The following DIP2B variants were observed in gnomAD, a reference collection of about 807,000 sequenced individuals.
DIP2B encodes DIP2 acetate--CoA ligase B (putative).
A neutral mutation model predicts 198.0 loss-of-function variants in DIP2B; 76 were observed. The observed-to-expected ratio is 0.38, with a 90% CI of 0.32 to 0.46. The LOEUF (loss-of-function observed/expected upper bound fraction) is 0.46, where lower values mean the gene tolerates loss of function less well. Among genes scored for constraint, DIP2B ranks in the 20% least tolerant of loss-of-function variants. The probability of loss-of-function intolerance (pLI) is 0.99; values close to 1 mark genes in which losing one functional copy is unlikely to be tolerated. For synonymous variants in DIP2B, 701 were observed against 739.1 expected (o/e 0.95, Z 0.84); for missense variants, 1,559 against 1,978.4 (o/e 0.79, Z 4.02).
chr12:50,604,051 C>T (rs1477033468), intron 1 of DIP2B, among the ~76,000 whole-genome samples: 2 of 151,988 alleles, frequency 1.3e-5, no homozygotes, highest in Non-Finnish European at 2.9e-5. Flanking sequence ...TTGCATCATG[C>T]AAGCTTCTGA....
intron 8 of DIP2B, chr12:50,680,259 TAAAAAAAAAAAAA>T: frequency 9.4e-6 from 1 of 106,196 alleles, no homozygotes; most frequent in Non-Finnish European, 1.8e-5. Flanking sequence ...GACTCTGTCT[TAAAAAAAAAAAAA>T]AAAAAAAAAA....
chr12:50,632,777 T>C (rs1938084320), intron 2 of DIP2B, among the ~76,000 whole-genome samples: 1 of 151,958 alleles, frequency 6.6e-6, no homozygotes, highest in Non-Finnish European at 1.5e-5. Context: ...CCTCAAGTAA[T>C]CCGCCTCCCT....
chr12:50,573,143 A>G (rs1290902004), intron 1 of DIP2B, among the ~76,000 whole-genome samples: 1 of 152,218 alleles, frequency 6.6e-6, no homozygotes, highest in African/African-American at 2.4e-5. Flanking sequence ...ACCACAGACT[A>G]TCAGGTCATA....
chr12:50,570,539 T>C (rs1958603734), intron 1 of DIP2B, among the ~76,000 whole-genome samples: 1 of 152,174 alleles, frequency 6.6e-6, no homozygotes, highest in Admixed American at 6.5e-5. Flanking sequence ...GGTAAAACCC[T>C]GTCTCTATTA....
chr12:50,622,474 A>G (rs1937832074), intron 1 of DIP2B, among the ~76,000 whole-genome samples: 2 of 152,262 alleles, frequency 1.3e-5, no homozygotes. Context: ...AAATAAGAGC[A>G]AGAAGGAAAA....
chr12:50,599,603 A>G (rs1478090565), intron 1 of DIP2B, among the ~76,000 whole-genome samples: 1 of 152,198 alleles, frequency 6.6e-6, no homozygotes, highest in African/African-American at 2.4e-5. Context: ...GCAACAGCGC[A>G]AGACTCAGTC....
chr12:50,581,860 T>C (rs1358980579), intron 1 of DIP2B, among the ~76,000 whole-genome samples: 1 of 152,176 alleles, frequency 6.6e-6, no homozygotes, highest in Non-Finnish European at 1.5e-5. Flanking sequence ...AGAAATTTGT[T>C]GAGGAAGGGA....
chr12:50,696,179 T>C (rs984170465), intron 16 of DIP2B, among the ~76,000 whole-genome samples: 4 of 152,356 alleles, frequency 2.6e-5, no homozygotes, highest in Admixed American at 2.0e-4. Context: ...CACATGCCCA[T>C]TATCAGTCAC....
intron 1 of DIP2B, among the ~76,000 whole-genome samples, chr12:50,516,451 G>C (rs529983906): frequency 6.6e-6 from 1 of 151,808 alleles, no homozygotes; most frequent in Non-Finnish European, 1.5e-5. Context: ...ATGGGGTCTC[G>C]TTATGTTTCC....
chr12:50,697,616 A>G (rs1565874504), intron 17 of DIP2B, among the ~76,000 whole-genome samples: 1 of 135,498 alleles, frequency 7.4e-6, no homozygotes, highest in African/African-American at 2.8e-5. Flanking sequence ...TGCAGCCTCA[A>G]CCTCCTGGGC....
intron 1 of DIP2B, among the ~76,000 whole-genome samples, chr12:50,549,461 T>C (rs369118825): frequency 3.1e-3 from 447 of 145,728 alleles, no homozygotes; most frequent in African/African-American, 0.011. Context: ...ACCTGGGAGG[T>C]GGAGCTTGCA....
chr12:50,567,725 G>A (rs1415561406), intron 1 of DIP2B, among the ~76,000 whole-genome samples: 2 of 152,024 alleles, frequency 1.3e-5, no homozygotes, highest in African/African-American at 4.8e-5. Context: ...ATGGGGTTTC[G>A]CAGTGTTGGC....
At chr12:50,706,334 C>T (rs1177264049) in intron 20 of DIP2B, among the ~76,000 whole-genome samples, 1 of 152,146 alleles carries the variant, frequency 6.6e-6, no homozygotes, top group African/African-American at 2.4e-5. Context: ...TCCTGTGAGA[C>T]TTCATTGGCT....
At chr12:50,510,304 TATGG>T (rs1167845119) in intron 1 of DIP2B, among the ~76,000 whole-genome samples, 1 of 152,260 alleles carries the variant, frequency 6.6e-6, no homozygotes, top group East Asian at 1.9e-4. Flanking sequence ...GAGTAGCTTT[TATGG>T]ATACCCTTGT....
intron 19 of DIP2B, among the ~76,000 whole-genome samples, chr12:50,703,227 T>A (rs12580479): frequency 0.31 from 44,447 of 144,786 alleles, 6,680 homozygotes; most frequent in East Asian, 0.41. Flanking sequence ...TATCTCATTT[T>A]AAAAAAAAAA....
intron 36 of DIP2B, among the ~76,000 whole-genome samples, chr12:50,740,225 A>G (rs1247575464): frequency 6.6e-6 from 1 of 152,214 alleles, no homozygotes; most frequent in East Asian, 1.9e-4. Context: ...AACTCACTGG[A>G]TTTTAAAGTC....
intron 34 of DIP2B, among the ~76,000 whole-genome samples, chr12:50,736,003 C>G (rs1046908954): frequency 6.6e-6 from 1 of 152,120 alleles, no homozygotes; most frequent in Non-Finnish European, 1.5e-5. Flanking sequence ...TGATAGGAAA[C>G]CCACATGCAT....
rs1328625272 is a variant in DIP2B at position 50,708,462 on chromosome 12, CTG to C, written c.2553_2554del (p.Ser852CysfsTer4). On this transcript the variant is annotated frameshift_variant, in exon 22 of 38. Coordinates refer to ENST00000301180, the MANE Select transcript of DIP2B (RefSeq NM_173602.3). LOFTEE classifies it high-confidence loss of function. ...GTCTCTCTTAGAATTGCTGTGTTTT[CTG>C]TGTCTGTATTTTATGATGAGCGCAT... is the stretch of plus-strand genomic sequence containing the variant. 1.2e-6 allele frequency: 2 copies of C among 1,600,242 alleles called. No homozygotes were observed. Among genetic ancestry groups the C allele is most frequent in the African/African-American group, 1.3e-5 (1 of 74,786 alleles).
Position 50,671,367 on chromosome 12 carries a change from T to C in DIP2B, c.609T>C (p.Ser203=), listed in dbSNP as rs1481928174. The C allele has an allele frequency of 6.2e-7, 1 of 1,614,084 alleles. No homozygotes were observed. The highest frequency in any genetic ancestry group is 8.5e-7 in the Non-Finnish European group (1 of 1,180,048). The part of the protein sequence containing the change: ...SHGEVKGTSG[S]LADVFANTRI... Reference sequence around the variant, plus strand: ...GAGAGGTCAAAGGAACCAGTGGGTCTCTAGCTGATGTATTTGCCAATACTC... The same window carrying C: ...GAGAGGTCAAAGGAACCAGTGGGTCCCTAGCTGATGTATTTGCCAATACTC... Residue 203 remains serine (S), a synonymous_variant, in exon 5 of 38, where the codon TCT becomes TCC. Transcript: ENST00000301180.
Sources: gnomAD v4.1 joint callset for allele counts (sites outside exome capture counted in the v4.1 genomes callset) on GRCh38, gnomAD v4.1.1 for gene constraint, MANE v1.5 for transcripts, NCBI Gene and HGNC (gene_info 2026-07-23, HGNC 2026-07-21) for gene names.